Variants in DOCK8 observed in about 807,000 individuals in gnomAD.
The protein encoded by DOCK8 is dedicator of cytokinesis 8, also known as dedicator of cytokinesis protein 8.
Under a neutral mutation model 245.6 loss-of-function variants are expected in DOCK8, and 141 were observed. The ratio of observed to expected loss-of-function variants is 0.57; its 90% confidence interval spans 0.50 to 0.66. DOCK8 has a LOEUF of 0.66. DOCK8 is among the 30% of genes least tolerant of loss of function. DOCK8 has a pLI of 0.00. For missense variants in DOCK8, 2,965 were observed against 2,603.4 expected, an observed-to-expected ratio of 1.14 and a Z score of -3.02; for synonymous variants, 1,168 against 970.2, an observed-to-expected ratio of 1.20 and a Z score of -3.79.
intron 41 of DOCK8, 86 bp downstream of exon 41, chr9:441,503 G>T (rs2057094753): frequency 6.3e-7 from 1 of 1,593,166 alleles, no homozygotes; most frequent in African/African-American, 1.3e-5. Flanking sequence ...TTCCTCTCCA[G>T]GGAGTGATTT....
Position 339,061 on chromosome 9 carries a change from G to A in DOCK8, c.1478G>A (p.Arg493Lys), listed in dbSNP as rs1563938756. Residue 493 changes from arginine (R) to lysine (K), a missense_variant, in exon 13 of 48, where the codon AGA becomes AAA. Transcript: ENST00000432829. ...DLFKFLADYK[R>K]SSSLQRRVKS... ...TTCAAGTTTTTAGCTGACTACAAAA[G>A]ATCATCATCCTTACAGAGACGAGTC... 6.2e-7 allele frequency: 1 copy of A among 1,614,122 alleles called. No homozygotes were observed. Among genetic ancestry groups the A allele is most frequent in the Non-Finnish European group, 8.5e-7 (1 of 1,180,004 alleles).
chr9:215,737 A>C, intron 1 of DOCK8: 1 of 250,602 alleles, frequency 4.0e-6, no homozygotes, highest in Non-Finnish European at 8.1e-6. Context: ...TTCCTAATCA[A>C]AGTTGCACAA....
At chr9:400,958 ACCACCACCTCCT>A (rs1564016824) in intron 26 of DOCK8, among the ~76,000 whole-genome samples, 2 of 67,818 alleles carry the variant, frequency 2.9e-5, no homozygotes, top group East Asian at 3.0e-4. Context: ...CACCACCACC[ACCACCACCTCCT>A]CCACCATCAC....
At chr9:383,756 A>G (rs2053830210) in intron 22 of DOCK8, among the ~76,000 whole-genome samples, 1 of 151,576 alleles carries the variant, frequency 6.6e-6, no homozygotes, top group African/African-American at 2.4e-5. Context: ...TTTTACAAGC[A>G]TATAAAAACT....
intron 14 of DOCK8, among the ~76,000 whole-genome samples, chr9:344,676 T>C (rs1304913992): frequency 6.6e-6 from 1 of 152,208 alleles, no homozygotes; most frequent in East Asian, 1.9e-4. Context: ...TAAAAGTCTC[T>C]TTTCAAGCAA....
chr9:392,226 A>G (rs1020386439), intron 24 of DOCK8, among the ~76,000 whole-genome samples: 13 of 152,296 alleles, frequency 8.5e-5, no homozygotes, highest in African/African-American at 2.9e-4. Flanking sequence ...AAGCCCAAGA[A>G]AAAGGGAGAA....
rs2131416563 is a variant in DOCK8, at chr9:399,274, C to CA, written c.3234+16dup. ...ATTGCAGCCAGGTGAGTGTCCCCCC[C>CA]ACCCCCACCCCCGAGCGAGCCACTT... On this transcript the variant is annotated intron_variant, in intron 26 of 47. Transcript: ENST00000432829. 6.9e-7 allele frequency: 1 copy of CA among 1,458,556 alleles called. No individual in the cohort carries two copies. Among genetic ancestry groups the CA allele is most frequent in the Non-Finnish European group, 9.2e-7 (1 of 1,083,504 alleles). The allele number at this position is 1,458,556 out of a possible 1,614,324, so 90.4% of individuals were successfully genotyped here.
chr9:379,048 T>C (rs1422565405), intron 20 of DOCK8, among the ~76,000 whole-genome samples: 1 of 152,118 alleles, frequency 6.6e-6, no homozygotes, highest in Non-Finnish European at 1.5e-5. Context: ...GAGGGCTTCC[T>C]AGGCGAGGAC....
chr9:302,197 C>T (rs1426610173), intron 4 of DOCK8, among the ~76,000 whole-genome samples: 2 of 152,164 alleles, frequency 1.3e-5, no homozygotes, highest in African/African-American at 2.4e-5. Flanking sequence ...TAAAGCTGCA[C>T]GCCTACAGCC....
chr9:327,937 T>A, intron 8 of DOCK8, 85 bp from the exon 9 acceptor site: 1 of 1,335,692 alleles, frequency 7.5e-7, no homozygotes, highest in Non-Finnish European at 1.1e-6. Flanking sequence ...AAAATTTCTC[T>A]GTGGTGTTTT....
chr9:249,262 C>A (rs551909464), intron 1 of DOCK8, among the ~76,000 whole-genome samples: 1 of 151,794 alleles, frequency 6.6e-6, no homozygotes, highest in Non-Finnish European at 1.5e-5. Context: ...AGGTGCCACG[C>A]CCAGTTCTTT....
intron 1 of DOCK8, among the ~76,000 whole-genome samples, chr9:262,891 G>T (rs973852229): frequency 3.9e-5 from 6 of 152,020 alleles, no homozygotes; most frequent in African/African-American, 1.4e-4. Flanking sequence ...TTTAATTAGA[G>T]AATTTAATCT....
At chr9:462,368 A>G (rs1426537430) in intron 46 of DOCK8, among the ~76,000 whole-genome samples, 2 of 152,228 alleles carry the variant, frequency 1.3e-5, no homozygotes, top group Non-Finnish European at 2.9e-5. Context: ...CCATTTCTCA[A>G]TATGACTTTC....
chr9:288,807 T>C (rs1287953505), intron 3 of DOCK8, among the ~76,000 whole-genome samples: 1 of 152,262 alleles, frequency 6.6e-6, no homozygotes, highest in Non-Finnish European at 1.5e-5. Flanking sequence ...ATATTTTATC[T>C]AATACTAACA....
At chr9:344,375 G>A (rs75177501) in intron 14 of DOCK8, among the ~76,000 whole-genome samples, 1 of 152,182 alleles carries the variant, frequency 6.6e-6, no homozygotes, top group Admixed American at 6.5e-5. Flanking sequence ...AATTTTTAGT[G>A]TTCTTCTCCA....
At chr9:330,957 A>G (rs1363137569) in intron 9 of DOCK8, among the ~76,000 whole-genome samples, 2 of 152,142 alleles carry the variant, frequency 1.3e-5, no homozygotes. Flanking sequence ...TGCTTCCTGT[A>G]TGTTCCATGA....
rs568439419 is a variant in DOCK8 at position 425,148 on chromosome 9, A to C, written c.4242-1737A>C. ...TTTACTTTTTTAATGTGGTTACCAC[A>C]ATATATAAAATGACATATGTGGCCC... On this transcript the variant is annotated intron_variant, in intron 33 of 47. Coordinates refer to ENST00000432829, the MANE Select transcript of DOCK8 (RefSeq NM_203447.4). Among the ~76,000 whole-genome samples the C allele has an allele frequency of 1.6e-4, 24 of 152,320 alleles. No homozygotes were observed. In the South Asian group the frequency reaches 4.3e-3, roughly 28 times the overall value.
intron 43 of DOCK8, 135 bp downstream of exon 43, chr9:443,651 AACT>A: frequency 1.4e-6 from 1 of 690,498 alleles, no homozygotes; most frequent in Non-Finnish European, 2.5e-6. Context: ...TCTAGAGTTC[AACT>A]ACTAATTGGT....
intron 1 of DOCK8, among the ~76,000 whole-genome samples, chr9:241,647 C>T (rs1380731664): frequency 6.6e-6 from 1 of 152,142 alleles, no homozygotes; most frequent in Admixed American, 6.5e-5. Flanking sequence ...TAAGTTGATT[C>T]CATATCTTGG....
Sources: allele counts gnomAD v4.1 joint callset (sites outside exome capture counted in the v4.1 genomes callset), GRCh38; gene constraint gnomAD v4.1.1; transcripts MANE v1.5; gene names NCBI Gene and HGNC (gene_info 2026-07-23, HGNC 2026-07-21).